The following WDR18 variants were observed in gnomAD, a reference collection of about 807,000 sequenced individuals.
WDR18 encodes WD repeat-containing protein 18.
Under a neutral mutation model 49.6 loss-of-function variants are expected in WDR18, and 33 were observed. The ratio of observed to expected loss-of-function variants is 0.67; its 90% confidence interval spans 0.50 to 0.89. The LOEUF (loss-of-function observed/expected upper bound fraction) is 0.89, where lower values mean the gene tolerates loss of function less well. WDR18 is among the 40% of genes least tolerant of loss of function. The pLI, the probability that WDR18 is intolerant of heterozygous loss-of-function variation, is 0.00. For synonymous variants in WDR18, 315 were observed against 263.6 expected, an observed-to-expected ratio of 1.19 and a Z score of -1.89; for missense variants, 653 against 593.6, an observed-to-expected ratio of 1.10 and a Z score of -1.04.
At position 994,507 on chromosome 19, in the gene WDR18, C is replaced by A; in HGVS notation, c.*163C>A. On this transcript the variant is annotated 3_prime_UTR_variant, in exon 10 of 10. Coordinates refer to ENST00000585809, the MANE Select transcript of WDR18 (RefSeq NM_024100.4). Reference sequence around the variant, plus strand: ...ACTGGGCCGTCTTGGTGTCTCGTGGCACGCGTCACAGTGGTGCTAGTCTGT... The same window carrying A: ...ACTGGGCCGTCTTGGTGTCTCGTGGAACGCGTCACAGTGGTGCTAGTCTGT... 9.9e-7 allele frequency: 1 copy of A among 1,005,482 alleles called. No individual in the cohort carries two copies. The allele number at this position is 1,005,482 out of a possible 1,614,324, so 62.3% of individuals were successfully genotyped here.
intron 1 of WDR18, 55 bp downstream of exon 1, chr19:984,618 G>A (rs75214262): frequency 0.041 from 55,686 of 1,374,234 alleles, 1,296 homozygotes; most frequent in Non-Finnish European, 0.043. Flanking sequence ...GCTGAAGTCG[G>A]GGGATGGGTT....
At chr19:984,831 T>C (rs1458626446) in intron 1 of WDR18, among the ~76,000 whole-genome samples, 1 of 151,408 alleles carries the variant, frequency 6.6e-6, no homozygotes, top group Non-Finnish European at 1.5e-5. Flanking sequence ...GGGGGTCCCT[T>C]GGGGCAATTG....
chr19:983,377 C>T (rs572212677), upstream of WDR18, among the ~76,000 whole-genome samples: 4 of 152,128 alleles, frequency 2.6e-5, no homozygotes, highest in South Asian at 8.3e-4. Flanking sequence ...CTGAGACCTC[C>T]GCCTCCCGGG....
Position 985,654 on chromosome 19 carries a change from C to T in WDR18, c.211-211C>T, listed in dbSNP as rs78431085. Among the ~76,000 whole-genome samples, 134 of 152,278 alleles carry T rather than the reference C, an allele frequency of 8.8e-4. 1 individual carries two copies. The highest frequency in any genetic ancestry group is 3.1e-3 in the African/African-American group (128 of 41,540). ...TCTGACCCTCAGAGGAAGCACCAACCTCACATCTACCACCTCCAGCCTCGA... is the reference window on the plus strand; with the variant it reads ...TCTGACCCTCAGAGGAAGCACCAACTTCACATCTACCACCTCCAGCCTCGA... On this transcript the variant is annotated intron_variant, in intron 1 of 9. Transcript: ENST00000585809.
intron 9 of WDR18, 23 bp downstream of exon 9, chr19:994,111 C>T (rs774077413): frequency 6.3e-5 from 97 of 1,549,866 alleles, no homozygotes; most frequent in Non-Finnish European, 7.3e-5. Flanking sequence ...TCGGGAGGGG[C>T]GGGGCCTGAG....
Position 994,479 on chromosome 19 carries a change from G to T in WDR18, c.*135G>T. 1 of 1,301,912 alleles carries T rather than the reference G, an allele frequency of 7.7e-7. No individual in the cohort carries two copies. Among genetic ancestry groups the T allele is most frequent in the Non-Finnish European group, 1.0e-6 (1 of 971,226 alleles). 80.6% of individuals were successfully genotyped at this position (1,301,912 alleles called of 1,614,324 possible). ...TGTGTCGTGTTCGGGTTTTTCCTCTGTGACTGGGCCGTCTTGGTGTCTCGT... is the reference window on the plus strand; with the variant it reads ...TGTGTCGTGTTCGGGTTTTTCCTCTTTGACTGGGCCGTCTTGGTGTCTCGT... On this transcript the variant is annotated 3_prime_UTR_variant, in exon 10 of 10. Coordinates refer to ENST00000585809, the MANE Select transcript of WDR18 (RefSeq NM_024100.4).
Position 994,004 on chromosome 19 carries a change from G to T in WDR18, c.1099-16G>T. On this transcript the variant is annotated splice_polypyrimidine_tract_variant and intron_variant, in intron 8 of 9. Coordinates refer to ENST00000585809, the MANE Select transcript of WDR18 (RefSeq NM_024100.4). ...ACAGGACGCGCCCCGAGGTCACGTG[G>T]CTCCCTGTGTTACAGGGCTCGGAGC... The T allele has an allele frequency of 6.4e-7, 1 of 1,550,580 alleles. No individual in the cohort carries two copies.
rs3815163 is a variant in WDR18, at chr19:989,042, C to G, written c.322-720C>G. ...CAACCCCCCACAGAGCATCTCAGGC[C>G]TCGAACCCACAACCCCCACCAGAGC... On this transcript the variant is annotated intron_variant, in intron 2 of 9. Transcript: ENST00000585809. Among the ~76,000 whole-genome samples, 698 of 85,350 alleles carry G rather than the reference C, an allele frequency of 8.2e-3. 7 individuals carry two copies. Among genetic ancestry groups the G allele is most frequent in the African/African-American group, 0.013 (287 of 21,282 alleles). 56.0% of individuals were successfully genotyped at this position (85,350 alleles called of 152,430 possible).
chr19:987,065 G>A (rs1317087811), intron 2 of WDR18, among the ~76,000 whole-genome samples: 2 of 152,230 alleles, frequency 1.3e-5, no homozygotes, highest in African/African-American at 4.8e-5. Context: ...ACCAGGGGAT[G>A]GGCATGGCGG....
intron 2 of WDR18, among the ~76,000 whole-genome samples, chr19:986,322 G>A (rs537038143): frequency 5.3e-4 from 80 of 152,312 alleles, no homozygotes; most frequent in South Asian, 8.3e-4. Context: ...GCGGCCGGGC[G>A]CAGTGGCTCA....
In WDR18 at chr19:989,776, C is replaced by A; in HGVS notation, c.336C>A (p.Asn112Lys). 1 of 1,612,856 alleles carries A rather than the reference C, an allele frequency of 6.2e-7. No individual in the cohort carries two copies. The highest frequency in any genetic ancestry group is 8.5e-7 in the Non-Finnish European group (1 of 1,179,900). The change falls in exon 3 of 10, where the codon AAC (asparagine) becomes AAA (lysine). Residue 112 changes from asparagine (N) to lysine (K), a missense_variant. Asn to Lys is a moderately conservative substitution (Grantham distance 94). Coordinates refer to ENST00000585809, the MANE Select transcript of WDR18 (RefSeq NM_024100.4). ...GCCCCTCACAGGTCTCCACCGGGAA[C>A]CTTCTGGTCATCCTGAGTCGACACT... Reference protein sequence around the residue: ...SIHLWEVSTGNLLVILSRHYQ... With the variant: ...SIHLWEVSTGKLLVILSRHYQ...
upstream of WDR18, among the ~76,000 whole-genome samples, chr19:983,168 C>T (rs1454297365): frequency 6.6e-6 from 1 of 152,164 alleles, no homozygotes; most frequent in South Asian, 2.1e-4. Flanking sequence ...TTAGGCCGGA[C>T]GTTGTGGCTG....
At position 991,998 on chromosome 19, in the gene WDR18, G is replaced by A. The variant is rs1203899171; in HGVS notation, c.975G>A (p.Met325Ile). The A allele has an allele frequency of 4.4e-6, 7 of 1,597,940 alleles. No individual in the cohort carries two copies. The highest frequency in any genetic ancestry group is 3.3e-5 in the South Asian group (3 of 90,324). ...NAAILLAPVS[M>I]LSSDFRPSLP... ...CCATCCTGCTGGCGCCCGTCAGCAT[G>A]CTGAGCTCAGACTTCAGGCCCAGCC... Residue 325 changes from methionine (M) to isoleucine (I), a missense_variant, in exon 8 of 10, where the codon ATG becomes ATA. Met to Ile is a conservative substitution (Grantham distance 10). Coordinates refer to ENST00000585809, the MANE Select transcript of WDR18 (RefSeq NM_024100.4).
chr19:992,268 G>A, intron 8 of WDR18, 147 bp downstream of exon 8: 1 of 1,021,776 alleles, frequency 9.8e-7, no homozygotes, highest in Non-Finnish European at 1.3e-6. Context: ...GAGTGGGATG[G>A]TGATGCTCGG....
At chr19:985,204 C>T (rs963983937) in intron 1 of WDR18, among the ~76,000 whole-genome samples, 2 of 152,136 alleles carry the variant, frequency 1.3e-5, no homozygotes, top group Non-Finnish European at 2.9e-5. Flanking sequence ...CTCACTCTGT[C>T]GCTGAGGCTG....
Position 984,384 on chromosome 19 carries a change from A to G in WDR18, c.31A>G (p.Thr11Ala), listed in dbSNP as rs2038451307. The change falls in exon 1 of 10, where the codon ACG becomes GCG. Residue 11 changes from threonine (T) to alanine (A), a missense_variant. Thr to Ala is a moderately conservative substitution (Grantham distance 58, BLOSUM62 0). Coordinates refer to ENST00000585809, the MANE Select transcript of WDR18 (RefSeq NM_024100.4). Reference protein sequence around the residue: MAAPMEVAVCTDSAAPMWSCI... With the variant: MAAPMEVAVCADSAAPMWSCI... ...GGCGCCCATGGAGGTGGCCGTGTGT[A>G]CGGACTCGGCGGCCCCGATGTGGAG... 1.2e-6 allele frequency: 2 copies of G among 1,600,028 alleles called. No individual in the cohort carries two copies. The highest frequency in any genetic ancestry group is 2.3e-5 in the East Asian group (1 of 42,956).
chr19:992,223 T>TC (rs1180780043), intron 8 of WDR18, 102 bp downstream of exon 8: 1 of 1,339,916 alleles, frequency 7.5e-7, no homozygotes, highest in African/African-American at 1.6e-5. Context: ...GTGCGGCGGT[T>TC]CCCCACAAGC....
At chr19:983,248 A>T (rs530644014), upstream of WDR18, among the ~76,000 whole-genome samples, 10 of 151,514 alleles carry the variant, frequency 6.6e-5, no homozygotes, top group Non-Finnish European at 1.5e-4. Context: ...CCTGAGCAAC[A>T]CAGTGAGACC....
At position 991,345 on chromosome 19, in the gene WDR18, C is replaced by A. The variant is rs781065170; in HGVS notation, c.925C>A (p.Leu309Ile). 8.7e-5 allele frequency: 135 copies of A among 1,553,102 alleles called. No individual in the cohort carries two copies. The highest frequency in any genetic ancestry group is 1.1e-4 in the Non-Finnish European group (129 of 1,148,980). ...CAAGCAGTGCATCCGGACGGTGGCC[C>A]TCAAAGGTGGGCGCGCCTCTGCTCG... is the stretch of plus-strand genomic sequence containing the variant. ...QSKQCIRTVA[L>I]KGPVTNAAIL... The change falls in exon 7 of 10, where the codon CTC becomes ATC. Residue 309 changes from leucine to isoleucine, a missense_variant. By Grantham distance (5) the Leu-to-Ile change is conservative. Transcript: ENST00000585809.
Sources: allele counts gnomAD v4.1 joint callset (sites outside exome capture counted in the v4.1 genomes callset), GRCh38; gene constraint gnomAD v4.1.1; transcripts MANE v1.5; gene names NCBI Gene and HGNC (gene_info 2026-07-23, HGNC 2026-07-21).